TRIM65: variants seen among roughly 807,000 people sequenced by gnomAD.
The protein encoded by TRIM65 is E3 ubiquitin-protein ligase TRIM65.
A neutral mutation model predicts 36.1 loss-of-function variants in TRIM65; 46 were observed. The ratio of observed to expected loss-of-function variants is 1.27; its 90% confidence interval spans 1.01 to 1.63. TRIM65 has a LOEUF of 1.63. Among genes scored for constraint, TRIM65 ranks in the 40% most tolerant of loss-of-function variants. The pLI is 0.00. For synonymous variants in TRIM65, 346 were observed against 313.6 expected, an observed-to-expected ratio of 1.10 and a Z score of -1.09; for missense variants, 708 against 696.6, an observed-to-expected ratio of 1.02 and a Z score of -0.18.
rs1231997456 is a variant in TRIM65 at position 75,889,556 on chromosome 17, C to G, written c.*1223G>C. On this transcript the variant is annotated 3_prime_UTR_variant, in exon 6 of 6. Transcript: ENST00000269383. ...GAGCTAGCCTGTGCCGACACCTGCA[C>G]ACACGGCTGCCCCAAAGTCCCACAC... 2 of 152,270 alleles carry G rather than the reference C, an allele frequency of 1.3e-5. No individual in the cohort carries two copies. The highest frequency in any genetic ancestry group is 3.8e-4 in the East Asian group (2 of 5,202). 9.4% of individuals were successfully genotyped at this position (152,270 alleles called of 1,614,324 possible).
In TRIM65 at chr17:75,890,657, A is replaced by T. The variant is rs1179401450; in HGVS notation, c.*122T>A. The T allele has an allele frequency of 4.8e-5, 40 of 833,438 alleles. No individual in the cohort carries two copies. The East Asian group carries it at 1.1e-3, about 24-fold the overall frequency. 51.6% of individuals were successfully genotyped at this position (833,438 alleles called of 1,614,324 possible). A position where few individuals can be genotyped will look rare whatever the true frequency, so the allele number is the denominator to read the frequency against. On this transcript the variant is annotated 3_prime_UTR_variant, in exon 6 of 6. Coordinates refer to ENST00000269383, the MANE Select transcript of TRIM65 (RefSeq NM_173547.4). ...TTATGCTCACCTCCCCCAACCTCCC[A>T]TCTCTTTCTGAGTTAACAGAGAGGC...
chr17:75,894,969 G>C (rs907527363), intron 1 of TRIM65, among the ~76,000 whole-genome samples: 2 of 152,228 alleles, frequency 1.3e-5, no homozygotes, highest in African/African-American at 2.4e-5. Flanking sequence ...GCTGCCCGGG[G>C]CGGGGTCAGC....
downstream of TRIM65, among the ~76,000 whole-genome samples, chr17:75,884,315 C>T (rs773588002): frequency 4.6e-5 from 7 of 151,774 alleles, no homozygotes; most frequent in Non-Finnish European, 8.8e-5. Flanking sequence ...AAAAATTAGC[C>T]GGGCGTGGTG....
At chr17:75,885,316 T>G (rs2065199233), downstream of TRIM65, among the ~76,000 whole-genome samples, 1 of 152,232 alleles carries the variant, frequency 6.6e-6, no homozygotes, top group Non-Finnish European at 1.5e-5. Context: ...AGAAAGGGTC[T>G]TGTTCTGTCA....
downstream of TRIM65, among the ~76,000 whole-genome samples, chr17:75,879,946 G>T (rs1021597493): frequency 6.7e-6 from 1 of 150,338 alleles, no homozygotes; most frequent in African/African-American, 2.5e-5. Context: ...TAGAGACGGG[G>T]TTTCACCATG....
At chr17:75,894,616 G>A (rs552745615) in intron 1 of TRIM65, among the ~76,000 whole-genome samples, 2 of 152,298 alleles carry the variant, frequency 1.3e-5, no homozygotes, top group South Asian at 4.1e-4. Context: ...AGCAAGCTCC[G>A]CCTCCCGGGT....
At chr17:75,884,973 G>T (rs139859404), downstream of TRIM65, among the ~76,000 whole-genome samples, 3,845 of 138,184 alleles carry the variant, frequency 0.028, 164 homozygotes, top group African/African-American at 0.099. Context: ...GTCTTGCTCT[G>T]TGACCCAGGC....
chr17:75,896,876 T>A lies in TRIM65; in HGVS notation c.62A>T (p.Asp21Val). The A allele has an allele frequency of 6.5e-7, 1 of 1,530,082 alleles. No individual in the cohort carries two copies. The highest frequency in any genetic ancestry group is 8.8e-7 in the Non-Finnish European group (1 of 1,142,418). 94.8% of individuals were successfully genotyped at this position (1,530,082 alleles called of 1,614,324 possible). The change falls in exon 1 of 6, where the codon GAC (aspartate) becomes GTC (valine). Residue 21 changes from aspartate to valine, a missense_variant. Asp to Val is a radical substitution (Grantham distance 152). Transcript: ENST00000269383. ...GTGGCCGCAGGGCAGCGTCACTGGG[T>A]CCTGGTAGAGCCCCAGGCAGATGGC... ...TCAICLGLYQDPVTLPCGHNF... is the reference protein window; with the variant it reads ...TCAICLGLYQVPVTLPCGHNF...
intron 1 of TRIM65, 121 bp from the exon 2 acceptor site, chr17:75,892,971 CCA>C (rs2065294880): frequency 2.4e-6 from 2 of 817,990 alleles, no homozygotes; most frequent in Non-Finnish European, 1.9e-6. Flanking sequence ...CCACCCCAGG[CCA>C]GCCTCCAGAG....
chr17:75,891,206 G>A lies in TRIM65; in HGVS notation c.1127C>T (p.Ala376Val). ...GTGGTGCCCGGCCTGGAAGCTCTGG[G>A]CACATTGCACCTGCCAGAGCTCAAA... is the stretch of plus-strand genomic sequence containing the variant. ...GSFELWQVQC[A>V]QSFQAGHHYW... Residue 376 changes from alanine (A) to valine (V), a missense_variant, in exon 6 of 6, where the codon GCC becomes GTC. Physicochemically the swap from Ala to Val is moderately conservative, Grantham distance 64. Transcript: ENST00000269383. 6.2e-7 allele frequency: 1 copy of A among 1,612,314 alleles called. No homozygotes were observed. The highest frequency in any genetic ancestry group is 8.5e-7 in the Non-Finnish European group (1 of 1,179,992).
downstream of TRIM65, among the ~76,000 whole-genome samples, chr17:75,886,263 C>G (rs1381791458): frequency 1.3e-5 from 2 of 152,148 alleles, no homozygotes; most frequent in Non-Finnish European, 2.9e-5. Flanking sequence ...TGGCTCACAC[C>G]TGTAATCCCA....
downstream of TRIM65, among the ~76,000 whole-genome samples, chr17:75,886,458 C>T (rs1026619485): frequency 2.8e-5 from 4 of 142,706 alleles, no homozygotes; most frequent in Non-Finnish European, 6.0e-5. Context: ...GGAGGTGGAG[C>T]TTGCAGTGAG....
At chr17:75,891,684 G>T in intron 5 of TRIM65, 129 bp downstream of exon 5, 1 of 1,241,550 alleles carries the variant, frequency 8.1e-7, no homozygotes, top group Non-Finnish European at 1.1e-6. Context: ...CGGCAGGACA[G>T]TCAAAACAAG....
chr17:75,890,457 T>C lies in TRIM65; in HGVS notation c.*322A>G, dbSNP rs561624528. 6.6e-4 allele frequency: 142 copies of C among 216,228 alleles called. No individual in the cohort carries two copies. The highest frequency in any genetic ancestry group is 3.1e-3 in the African/African-American group (133 of 43,600). 13.4% of individuals were successfully genotyped at this position (216,228 alleles called of 1,614,324 possible). A position where few individuals can be genotyped will look rare whatever the true frequency, so the allele number is the denominator to read the frequency against. ...ATCTCCAGAGGCAAGTTCAGGTAGA[T>C]CTGAATTTTGTCACACACGCTGTCC... On this transcript the variant is annotated 3_prime_UTR_variant, in exon 6 of 6. Transcript: ENST00000269383.
At chr17:75,884,172 T>C (rs2144006900), downstream of TRIM65, among the ~76,000 whole-genome samples, 3 of 150,602 alleles carry the variant, frequency 2.0e-5, no homozygotes, top group Middle Eastern at 7.0e-3. Flanking sequence ...TAGTAAACAA[T>C]TTAGGTCAGG....
At chr17:75,882,440 C>G (rs901185524) in intron 4 of TRIM65, among the ~76,000 whole-genome samples, 1 of 150,646 alleles carries the variant, frequency 6.6e-6, no homozygotes, top group Non-Finnish European at 1.5e-5. Flanking sequence ...AACCCCTGAC[C>G]TCAGGTGATC....
chr17:75,882,207 ACTT>A (rs2065173180), intron 4 of TRIM65, among the ~76,000 whole-genome samples: 1 of 149,262 alleles, frequency 6.7e-6, no homozygotes, highest in African/African-American at 2.5e-5. Context: ...GCATCTTGCT[ACTT>A]CTTTTCTTTT....
chr17:75,885,463 G>C (rs1215491913), downstream of TRIM65, among the ~76,000 whole-genome samples: 2 of 152,226 alleles, frequency 1.3e-5, no homozygotes, highest in Admixed American at 1.3e-4. Context: ...TTTTGGTAGA[G>C]AGGTGTGTTA....
rs757330385 is a variant in TRIM65 at position 75,896,891 on chromosome 17, A to G, written c.47T>C (p.Leu16Pro). The change falls in exon 1 of 6, where the codon CTG (leucine) becomes CCG (proline). Residue 16 changes from leucine (L) to proline (P), a missense_variant. Leu to Pro is a moderately conservative substitution (Grantham distance 98, BLOSUM62 -3). Transcript: ENST00000269383. ...CGTCACTGGGTCCTGGTAGAGCCCC[A>G]GGCAGATGGCGCAGGTCAGCTTCTC... ...LEEKLTCAIC[L>P]GLYQDPVTLP... 1 of 1,522,764 alleles carries G rather than the reference A, an allele frequency of 6.6e-7. No homozygotes were observed. Among genetic ancestry groups the G allele is most frequent in the South Asian group, 1.2e-5 (1 of 82,080 alleles). The allele number at this position is 1,522,764 out of a possible 1,614,324, so 94.3% of individuals were successfully genotyped here.
Sources: gnomAD v4.1 joint callset for allele counts (sites outside exome capture counted in the v4.1 genomes callset) on GRCh38, gnomAD v4.1.1 for gene constraint, MANE v1.5 for transcripts, NCBI Gene and HGNC (gene_info 2026-07-23, HGNC 2026-07-21) for gene names.